Variants in SPTBN4 observed in about 807,000 individuals in gnomAD.
SPTBN4 encodes spectrin beta chain, non-erythrocytic 4.
In SPTBN4, 96 loss-of-function variants were observed where a neutral mutation model predicts 277.8. That is an observed-to-expected ratio of 0.35 (90% CI 0.29 to 0.41). SPTBN4 has a LOEUF of 0.41. Among genes scored for constraint, SPTBN4 ranks in the 10% least tolerant of loss-of-function variants. SPTBN4 has a pLI of 1.00. For synonymous variants in SPTBN4, 1,481 were observed against 1,580.3 expected (o/e 0.94, Z 1.49); for missense variants, 3,006 against 3,595.7 (o/e 0.84, Z 4.19).
Position 40,494,906 on chromosome 19 carries a change from G to C in SPTBN4, c.597G>C (p.Glu199Asp), listed in dbSNP as rs1370499948. ...WCQMKTAGYP[E>D]VNIQNFTTSW... is the part of the protein sequence containing the mutation. ...CCCTTCACCCTTCCAGTTACCCTGA[G>C]GTAAACATCCAGAATTTCACCACCA... The change falls in exon 6 of 36, where the codon GAG becomes GAC. Residue 199 changes from glutamate to aspartate, a missense_variant. By Grantham distance (45) the Glu-to-Asp change is conservative. Transcript: ENST00000598249. 1.2e-6 allele frequency: 2 copies of C among 1,614,034 alleles called. No homozygotes were observed. The highest frequency in any genetic ancestry group is 2.7e-5 in the African/African-American group (2 of 74,986).
intron 5 of SPTBN4, 119 bp from the exon 6 acceptor site, chr19:40,494,778 G>A (rs2080177251): frequency 1.2e-6 from 1 of 854,534 alleles, no homozygotes; most frequent in Non-Finnish European, 1.9e-6. Context: ...ATCTTTCTAT[G>A]TTCTACCCCC....
At chr19:40,505,678 A>G (rs1300694423) in intron 12 of SPTBN4, among the ~76,000 whole-genome samples, 1 of 145,876 alleles carries the variant, frequency 6.9e-6, no homozygotes, top group African/African-American at 2.5e-5. Context: ...TCAAAAAAAG[A>G]AGAAGAAAAA....
Position 40,556,014 on chromosome 19 carries a change from G to T in SPTBN4, c.5085-70G>T. ...AACACAGCCCTGTCCTGGGGAGGGG[G>T]TTTAGGGGGGTCACGCTCTGCCCCA... On this transcript the variant is annotated intron_variant, in intron 24 of 35. Coordinates refer to ENST00000598249, the MANE Select transcript of SPTBN4 (RefSeq NM_020971.3). 8 of 1,426,414 alleles carry T rather than the reference G, an allele frequency of 5.6e-6. No homozygotes were observed. In the South Asian group the frequency reaches 1.0e-4, roughly 18 times the overall value. 88.4% of individuals were successfully genotyped at this position (1,426,414 alleles called of 1,614,324 possible). A position where few individuals can be genotyped will look rare whatever the true frequency, so the allele number is the denominator to read the frequency against.
rs768185210 is a variant in SPTBN4, at chr19:40,494,984, C to T, written c.668+7C>T. On this transcript the variant is annotated splice_region_variant and intron_variant, in intron 6 of 35. Transcript: ENST00000598249. ...CCCTCATTCACCGGCACAGGTACCACCTGGCCTGGGACAGCCCAGTCCTGC... is the reference window on the plus strand; with the variant it reads ...CCCTCATTCACCGGCACAGGTACCATCTGGCCTGGGACAGCCCAGTCCTGC... 5.5e-5 allele frequency: 88 copies of T among 1,614,150 alleles called. No homozygotes were observed. Among genetic ancestry groups the T allele is most frequent in the Non-Finnish European group, 7.3e-5 (86 of 1,179,984 alleles).
At chr19:40,504,739 T>C (rs2080305799) in intron 12 of SPTBN4, among the ~76,000 whole-genome samples, 1 of 151,336 alleles carries the variant, frequency 6.6e-6, no homozygotes, top group South Asian at 2.1e-4. Flanking sequence ...TCCTAGCTAT[T>C]TGGGAGGCTG....
Position 40,529,036 on chromosome 19 carries a change from C to T in SPTBN4, c.3858-5C>T. ...TTTCCCCAGCCCTTATCTCCCCATCCCCAGGAACCAAGAAAACCAGTTACG... is the reference window on the plus strand; with the variant it reads ...TTTCCCCAGCCCTTATCTCCCCATCTCCAGGAACCAAGAAAACCAGTTACG... On this transcript the variant is annotated splice_region_variant and splice_polypyrimidine_tract_variant and intron_variant, in intron 17 of 35. Transcript: ENST00000598249. The T allele has an allele frequency of 6.2e-7, 1 of 1,613,780 alleles. No individual in the cohort carries two copies. The highest frequency in any genetic ancestry group is 1.1e-5 in the South Asian group (1 of 91,056).
intron 2 of SPTBN4, among the ~76,000 whole-genome samples, chr19:40,484,961 CAAAAAACA>C (rs1470123277): frequency 6.8e-6 from 1 of 148,014 alleles, no homozygotes; most frequent in Admixed American, 6.7e-5. Context: ...AACCAAAAAA[CAAAAAACA>C]AAAAAACCAC....
rs529809578 is a variant in SPTBN4 at position 40,505,627 on chromosome 19, G to C, written c.1666-609G>C. ...GGAGTTTGCAGTGAGCTGAGATCGCGCCACTGCACTCCAGCCTGGGTGACA... is the reference window on the plus strand; with the variant it reads ...GGAGTTTGCAGTGAGCTGAGATCGCCCCACTGCACTCCAGCCTGGGTGACA... On this transcript the variant is annotated intron_variant, in intron 12 of 35. Coordinates refer to ENST00000598249, the MANE Select transcript of SPTBN4 (RefSeq NM_020971.3). Among the ~76,000 whole-genome samples the C allele has an allele frequency of 2.6e-5, 4 of 151,266 alleles. No individual in the cohort carries two copies. The East Asian group carries it at 7.8e-4, about 29-fold the overall frequency.
At position 40,515,814 on chromosome 19, in the gene SPTBN4, T is replaced by A. The variant is rs368348689; in HGVS notation, c.2903+366T>A. ...GAGATGGGTGGATCACTTGAGCTCA[T>A]GAATTCAAGACCAGCCTGGGCAACA... On this transcript the variant is annotated intron_variant, in intron 15 of 35. Transcript: ENST00000598249. This position sits in a 1 kb window ranked among gnomAD's most constrained non-coding sequence, Gnocchi z 4.1. Among the ~76,000 whole-genome samples the A allele has an allele frequency of 1.3e-5, 2 of 150,810 alleles. No homozygotes were observed. Among genetic ancestry groups the A allele is most frequent in the Non-Finnish European group, 3.0e-5 (2 of 67,780 alleles).
rs781542918 is a variant in SPTBN4 at position 40,532,710 on chromosome 19, G to A, written c.4034G>A (p.Arg1345Gln). The A allele has an allele frequency of 2.0e-5, 32 of 1,613,328 alleles. No homozygotes were observed. The highest frequency in any genetic ancestry group is 2.4e-5 in the Non-Finnish European group (28 of 1,179,624). ...CACAAGCTGCATAAGAGATGGCTCC[G>A]GCACCAGGCATTCATGGCCGAGCTG... The part of the protein sequence containing the change: ...DNHKLHKRWL[R>Q]HQAFMAELAQ... The change falls in exon 19 of 36, where the codon CGG becomes CAG. Residue 1345 changes from arginine to glutamine, a missense_variant. Around this residue, in one of 5 missense-constraint regions of SPTBN4, gnomAD observed 1,759 missense variants for 2,061.5 expected, o/e 0.85. Coordinates refer to ENST00000598249, the MANE Select transcript of SPTBN4 (RefSeq NM_020971.3).
intron 2 of SPTBN4, among the ~76,000 whole-genome samples, chr19:40,484,788 C>T (rs1235692900): frequency 1.3e-5 from 2 of 151,624 alleles, no homozygotes; most frequent in Non-Finnish European, 2.9e-5. Flanking sequence ...AAAAATTAGC[C>T]GGGCGTGGTG....
intron 1 of SPTBN4, among the ~76,000 whole-genome samples, chr19:40,469,810 G>C (rs910214549): frequency 1.5e-4 from 22 of 148,902 alleles, no homozygotes; most frequent in African/African-American, 4.9e-4. Context: ...TACCCGGCTA[G>C]TTTTTATATT....
intron 6 of SPTBN4, among the ~76,000 whole-genome samples, chr19:40,496,303 C>A (rs1175728434): frequency 3.3e-5 from 5 of 152,278 alleles, no homozygotes; most frequent in Non-Finnish European, 7.4e-5. Context: ...GCGCCCGCCA[C>A]CACACCTGGA....
chr19:40,530,641 A>C, intron 18 of SPTBN4: 1 of 912,272 alleles, frequency 1.1e-6, no homozygotes, highest in Non-Finnish European at 1.3e-6. Flanking sequence ...GCGGACGCAG[A>C]CAGGGGAGGG....
intron 7 of SPTBN4, among the ~76,000 whole-genome samples, chr19:40,499,319 C>T (rs965340871): frequency 3.3e-5 from 5 of 151,912 alleles, no homozygotes; most frequent in Admixed American, 6.6e-5. Flanking sequence ...GGATTACAGG[C>T]GTGAGCCATC....
At chr19:40,564,967 G>A (rs775876187) in intron 27 of SPTBN4, among the ~76,000 whole-genome samples, 4 of 151,970 alleles carry the variant, frequency 2.6e-5, no homozygotes, top group East Asian at 1.9e-4. Context: ...TTTGGTCATC[G>A]AAAGTAGGTG....
In SPTBN4 at chr19:40,554,317, G is replaced by A. The variant is rs761163124; in HGVS notation, c.4845G>A (p.Gln1615=). 35 of 1,550,076 alleles carry A rather than the reference G, an allele frequency of 2.3e-5. No homozygotes were observed. In the African/African-American group the frequency reaches 3.9e-4, roughly 17 times the overall value. ...GLREAAERRQ[Q]VLDAAFQVEQ... is the part of the protein sequence containing the mutation. ...GGGAGGCTGCCGAGCGACGGCAGCA[G>A]GTGCTGGACGCCGCCTTCCAGGTGG... The change falls in exon 23 of 36, where the codon CAG becomes CAA. Residue 1615 remains glutamine, a synonymous_variant. Transcript: ENST00000598249. This position sits in a 1 kb window ranked among gnomAD's most constrained non-coding sequence, Gnocchi z 5.7.
rs1178907309 is a variant in SPTBN4 at position 40,515,954 on chromosome 19, CATATAT to C, written c.2903+508_2903+513del. 8.2e-5 allele frequency among the ~76,000 whole-genome samples: 12 copies of C among 146,506 alleles called. No individual in the cohort carries two copies. The highest frequency in any genetic ancestry group is 1.4e-4 in the Admixed American group (2 of 14,620). On this transcript the variant is annotated intron_variant, in intron 15 of 35. Transcript: ENST00000598249. The surrounding 1 kb of genome is among the most constrained non-coding windows in gnomAD (Gnocchi z 4.1). ...ACACACATATATACGTATATATACACATATATACGTATATATACACATATATACGTA... is the reference window on the plus strand; with the variant it reads ...ACACACATATATACGTATATATACACACGTATATATACACATATATACGTA...
rs1180723007 is a variant in SPTBN4, at chr19:40,560,463, C to G, written c.5915+60C>G. ...CCCTGGTGGCCTACCCCAGCCACCC[C>G]CAGCCCATTGACAGCCCCCTTCTCA... On this transcript the variant is annotated intron_variant, in intron 27 of 35. Coordinates refer to ENST00000598249, the MANE Select transcript of SPTBN4 (RefSeq NM_020971.3). The surrounding 1 kb of genome is among the most constrained non-coding windows in gnomAD (Gnocchi z 5.2). 5 of 1,610,426 alleles carry G rather than the reference C, an allele frequency of 3.1e-6. No homozygotes were observed. In the Admixed American group the frequency reaches 8.3e-5, roughly 27 times the overall value.
Sources: gnomAD v4.1 joint callset for allele counts (sites outside exome capture counted in the v4.1 genomes callset) on GRCh38, gnomAD v4.1.1 for gene constraint, gnomAD v4.1.1 regional missense constraint, Gnocchi (gnomAD v3.1) non-coding constraint, MANE v1.5 for transcripts, NCBI Gene and HGNC (gene_info 2026-07-23, HGNC 2026-07-21) for gene names.